Variants in PCDHGA4 observed in about 807,000 individuals in gnomAD.
The protein encoded by PCDHGA4 is protocadherin gamma-A4.
A neutral mutation model predicts 54.6 loss-of-function variants in PCDHGA4; 38 were observed. That is an observed-to-expected ratio of 0.70 (90% confidence interval 0.54 to 0.91). The LOEUF is 0.91. Among genes scored for constraint, PCDHGA4 ranks in the 40% least tolerant of loss-of-function variants. PCDHGA4 has a pLI of 0.00. For missense variants in PCDHGA4, 1,298 were observed against 1,220.9 expected, an observed-to-expected ratio of 1.06 and a Z score of -0.94; for synonymous variants, 511 against 512.9, an observed-to-expected ratio of 1.00 and a Z score of 0.05.
chr5:141,388,577 A>G, intron 1 of PCDHGA4: 1 of 1,613,868 alleles, frequency 6.2e-7, no homozygotes, highest in East Asian at 2.2e-5. Context: ...TACACGTTCT[A>G]GTGACTGATG....
Position 141,431,363 on chromosome 5 carries a change from C to A in PCDHGA4, c.2515-63444C>A. ...ATTGGTGCTGAAACGCGCCCTGGAC[C>A]GCGAAGAAAAGGCTGCTCACCACCT... On this transcript the variant is annotated intron_variant, in intron 1 of 3. Transcript: ENST00000571252. The surrounding 1 kb of genome is among the most constrained non-coding windows in gnomAD (Gnocchi z 4.8). 1 of 1,614,024 alleles carries A rather than the reference C, an allele frequency of 6.2e-7. No homozygotes were observed. Among genetic ancestry groups the A allele is most frequent in the Non-Finnish European group, 8.5e-7 (1 of 1,180,028 alleles).
chr5:141,372,639 C>A (rs760209074), intron 1 of PCDHGA4: 1 of 1,613,842 alleles, frequency 6.2e-7, no homozygotes, highest in Non-Finnish European at 8.5e-7. Flanking sequence ...AAGGACTTTG[C>A]CTTATTCCTA....
chr5:141,400,503 G>T, intron 1 of PCDHGA4: 1 of 1,614,022 alleles, frequency 6.2e-7, no homozygotes, highest in Non-Finnish European at 8.5e-7. Context: ...ATTCCAGCGA[G>T]TCGACTTCCC....
rs70988800 is a variant in PCDHGA4, at chr5:141,379,889, C to CTTTTTTTTTTTTTTTTTTTTTTTTT, written c.2514+22274_2514+22298dup. Among the ~76,000 whole-genome samples, 41 of 50,832 alleles carry CTTTTTTTTTTTTTTTTTTTTTTTTT rather than the reference C, an allele frequency of 8.1e-4. 4 individuals are homozygous for CTTTTTTTTTTTTTTTTTTTTTTTTT. The highest frequency in any genetic ancestry group is 1.7e-3 in the Admixed American group (6 of 3,578). The allele number at this position is 50,832 out of a possible 152,430, so 33.3% of individuals were successfully genotyped here. A position where few individuals can be genotyped will look rare whatever the true frequency, so the allele number is the denominator to read the frequency against. On this transcript the variant is annotated intron_variant, in intron 1 of 3. Coordinates refer to ENST00000571252, the MANE Select transcript of PCDHGA4 (RefSeq NM_018917.4). ...CTTATTTTATGGTCTGTGAAAGCCT[C>CTTTTTTTTTTTTTTTTTTTTTTTTT]TTTTTTTTTTTTTTTTTTTTTTTTT...
At chr5:141,386,521 A>AT (rs1458324675) in intron 1 of PCDHGA4, among the ~76,000 whole-genome samples, 1 of 232 alleles carries the variant, frequency 4.3e-3, no homozygotes, top group African/African-American at 0.013. Context: ...TCAAAAAAAG[A>AT]CTCTTTTTAG....
intron 1 of PCDHGA4, chr5:141,376,676 G>GTTTTTTTTTTTTTTTTTTTTTTTT (rs67197835): frequency 1.1e-5 from 3 of 275,812 alleles, no homozygotes; most frequent in African/African-American, 3.7e-5. Flanking sequence ...TGAGGGTATC[G>GTTTTTTTTTTTTTTTTTTTTTTTT]TTTTTTTTTT....
In PCDHGA4 at chr5:141,375,718, C is replaced by A. The variant is rs888006407; in HGVS notation, c.2514+18097C>A. 9 of 1,614,152 alleles carry A rather than the reference C, an allele frequency of 5.6e-6. No homozygotes were observed. Among genetic ancestry groups the A allele is most frequent in the African/African-American group, 1.3e-5 (1 of 74,952 alleles). ...GCGGGGACCCGCCTCTTAGCAGCAA[C>A]GTGTCACTGAGCCTGTTTGTGCTGG... On this transcript the variant is annotated intron_variant, in intron 1 of 3. Transcript: ENST00000571252.
At chr5:141,495,015 G>C in intron 2 of PCDHGA4, 150 bp downstream of exon 2, 2 of 1,507,428 alleles carry the variant, frequency 1.3e-6, no homozygotes, top group East Asian at 4.9e-5. Flanking sequence ...CGGGGGGCTG[G>C]CACACAGACC....
intron 1 of PCDHGA4, among the ~76,000 whole-genome samples, chr5:141,439,224 T>C (rs989512996): frequency 2.2e-4 from 33 of 152,030 alleles, no homozygotes; most frequent in Middle Eastern, 3.4e-3. Context: ...TGAAAATTCT[T>C]AGAAGCTTCC....
At chr5:141,501,036 T>C (rs893597004) in intron 2 of PCDHGA4, among the ~76,000 whole-genome samples, 4 of 151,702 alleles carry the variant, frequency 2.6e-5, no homozygotes, top group Non-Finnish European at 4.4e-5. Flanking sequence ...GCCCAGCTAA[T>C]TTTTGTATTT....
At chr5:141,391,759 T>C (rs901291558) in intron 1 of PCDHGA4, 1 of 152,196 alleles carries the variant, frequency 6.6e-6, no homozygotes, top group Non-Finnish European at 1.5e-5. Context: ...GGCTTCTTAG[T>C]AAGTATTATA....
chr5:141,475,202 G>T (rs746895166), intron 1 of PCDHGA4, among the ~76,000 whole-genome samples: 38 of 152,086 alleles, frequency 2.5e-4, no homozygotes, highest in Non-Finnish European at 5.3e-4. Context: ...CAAGATCTTG[G>T]GAAAAGGATT....
chr5:141,360,548 T>A (rs1354805978), intron 1 of PCDHGA4: 3 of 1,613,974 alleles, frequency 1.9e-6, no homozygotes, highest in Non-Finnish European at 1.7e-6. Flanking sequence ...CAGACTAAGA[T>A]TAATTTAAAA....
At position 141,356,520 on chromosome 5, in the gene PCDHGA4, G is replaced by T; in HGVS notation, c.1413G>T (p.Leu471=). 6.2e-7 allele frequency: 1 copy of T among 1,613,802 alleles called. No homozygotes were observed. The highest frequency in any genetic ancestry group is 1.1e-5 in the South Asian group (1 of 91,072). ...PPLSTETHIS[L]QVMDINDNPP... ...TGTCTACAGAAACTCATATTTCACT[G>T]CAAGTGATGGACATCAATGACAACC... The change falls in exon 1 of 4, where the codon CTG becomes CTT. Residue 471 remains leucine (L), a synonymous_variant. Coordinates refer to ENST00000571252, the MANE Select transcript of PCDHGA4 (RefSeq NM_018917.4).
At position 141,355,200 on chromosome 5, in the gene PCDHGA4, A is replaced by G. The variant is rs1351394647; in HGVS notation, c.93A>G (p.Val31=). ...ACAGGCGACTCCGCGGCGGGGTTGT[A>G]ATGGCGGCGCCTCCTGCTCGCCCAG... The part of the protein sequence containing the change: ...PKHRRLRGGV[V]MAAPPARPDH... Residue 31 remains valine, a synonymous_variant, in exon 1 of 4, where the codon GTA becomes GTG. Transcript: ENST00000571252. 11 of 1,596,952 alleles carry G rather than the reference A, an allele frequency of 6.9e-6. No homozygotes were observed. The East Asian group carries it at 2.2e-4, about 32-fold the overall frequency.
At chr5:141,388,471 T>C (rs758013989) in intron 1 of PCDHGA4, 1 of 1,613,844 alleles carries the variant, frequency 6.2e-7, no homozygotes, top group South Asian at 1.1e-5. Context: ...GAGATGGTAT[T>C]GAAGACACCT....
intron 1 of PCDHGA4, among the ~76,000 whole-genome samples, chr5:141,482,447 T>C (rs2099560010): frequency 6.7e-6 from 1 of 149,882 alleles, no homozygotes; most frequent in East Asian, 1.9e-4. Flanking sequence ...ATTCACCATT[T>C]ATTAGCATCC....
intron 1 of PCDHGA4, chr5:141,375,772 G>C (rs769630296): frequency 2.5e-6 from 4 of 1,614,228 alleles, no homozygotes; most frequent in Admixed American, 3.3e-5. Flanking sequence ...CCGAGATCCT[G>C]TACCCCGCCC....
intron 1 of PCDHGA4, among the ~76,000 whole-genome samples, chr5:141,368,581 G>A (rs1407306401): frequency 6.6e-6 from 1 of 152,066 alleles, no homozygotes; most frequent in Non-Finnish European, 1.5e-5. Flanking sequence ...TTAGGGTAAG[G>A]TGTTTGGGAA....
Sources: allele counts gnomAD v4.1 joint callset (sites outside exome capture counted in the v4.1 genomes callset), GRCh38; gene constraint gnomAD v4.1.1; non-coding constraint Gnocchi (gnomAD v3.1); transcripts MANE v1.5; gene names NCBI Gene and HGNC (gene_info 2026-07-23, HGNC 2026-07-21).